Variants in PIP5K1C observed in about 807,000 individuals in gnomAD.
The protein encoded by PIP5K1C is phosphatidylinositol-4-phosphate 5-kinase type 1 gamma.
A neutral mutation model predicts 80.1 loss-of-function variants in PIP5K1C; 45 were observed. The observed-to-expected ratio is 0.56, with a 90% CI of 0.44 to 0.72. PIP5K1C has a LOEUF of 0.72. PIP5K1C is among the 30% of genes least tolerant of loss of function. The probability of loss-of-function intolerance (pLI) is 0.00; values close to 1 mark genes in which losing one functional copy is unlikely to be tolerated. For missense variants in PIP5K1C, 753 were observed against 954.6 expected (o/e 0.79, Z 2.78); for synonymous variants, 498 against 420.1 (o/e 1.19, Z -2.27).
intron 1 of PIP5K1C, chr19:3,670,019 G>T (rs1443048077): frequency 6.6e-6 from 1 of 150,468 alleles, no homozygotes; most frequent in Non-Finnish European, 1.5e-5. Flanking sequence ...CAGGCAGCAG[G>T]TATGGAGGGG....
rs958151385 is a variant in PIP5K1C at position 3,688,210 on chromosome 19, C to G, written c.94+12087G>C. ...TCTCCAGCACAGCAGAGGTGGACGC[C>G]CCTCGCGGCTGGCTCCCCAGCGTCC... On this transcript the variant is annotated intron_variant, in intron 1 of 17. Coordinates refer to ENST00000335312, the MANE Select transcript of PIP5K1C (RefSeq NM_012398.3). The surrounding 1 kb of genome is among the most constrained non-coding windows in gnomAD (Gnocchi z 5.3). Among the ~76,000 whole-genome samples the G allele has an allele frequency of 1.3e-5, 2 of 152,222 alleles. No homozygotes were observed. Among genetic ancestry groups the G allele is most frequent in the Non-Finnish European group, 2.9e-5 (2 of 68,020 alleles).
In PIP5K1C at chr19:3,640,078, G is replaced by T. The variant is rs1445626429; in HGVS notation, c.1788-1062C>A. 3.9e-5 allele frequency among the ~76,000 whole-genome samples: 6 copies of T among 152,330 alleles called. No individual in the cohort carries two copies. The East Asian group carries it at 9.6e-4, about 24-fold the overall frequency. ...TAAACCCCCAGGGCTTTAGTTTTGG[G>T]TCTACGCTGCTGTGAGCGCTAAAAA... On this transcript the variant is annotated intron_variant, in intron 15 of 17. Transcript: ENST00000335312.
At chr19:3,667,263 T>C (rs1245733174) in intron 2 of PIP5K1C, 59 bp downstream of exon 2, 10 of 1,479,030 alleles carry the variant, frequency 6.8e-6, no homozygotes, top group Non-Finnish European at 9.4e-6. Flanking sequence ...TCTCCGCGAG[T>C]AGGGAGGCAG....
chr19:3,653,644 G>C, intron 6 of PIP5K1C, 55 bp from the exon 7 acceptor site: 1 of 1,526,896 alleles, frequency 6.5e-7, no homozygotes, highest in East Asian at 2.3e-5. Context: ...GACTCACGGG[G>C]GCGGGCAAAG....
chr19:3,691,620 C>G (rs1191008695), intron 1 of PIP5K1C, among the ~76,000 whole-genome samples: 1 of 152,206 alleles, frequency 6.6e-6, no homozygotes, highest in Non-Finnish European at 1.5e-5. Context: ...CCCTTCCAAC[C>G]AAAGCCTCGG....
At chr19:3,644,012 CGGCACCCCACCCACGGGGCTGCTGCT>C (rs1378709416) in intron 12 of PIP5K1C, 49 bp downstream of exon 12, 3 of 1,531,478 alleles carry the variant, frequency 2.0e-6, no homozygotes, top group Non-Finnish European at 2.7e-6. Flanking sequence ...CAGGATGAGG[CGGCACCCCACCCACGGGGCTGCTGCT>C]GGCACCCCCT....
intron 5 of PIP5K1C, among the ~76,000 whole-genome samples, chr19:3,656,819 C>T (rs1009952650): frequency 3.9e-5 from 6 of 152,210 alleles, no homozygotes; most frequent in African/African-American, 7.2e-5. Context: ...TCCTTAGGAG[C>T]GGACACCTGA....
chr19:3,691,822 A>G (rs1416673025), intron 1 of PIP5K1C, among the ~76,000 whole-genome samples: 1 of 152,116 alleles, frequency 6.6e-6, no homozygotes, highest in African/African-American at 2.4e-5. Context: ...CGGGGAGCAA[A>G]ACCACCAAAG....
intron 5 of PIP5K1C, 25 bp from the exon 6 acceptor site, chr19:3,656,582 C>A (rs758732762): frequency 6.2e-7 from 1 of 1,612,346 alleles, no homozygotes; most frequent in Non-Finnish European, 8.5e-7. Context: ...GGCGGGTCAG[C>A]GGGCCCCAAG....
Position 3,696,529 on chromosome 19 carries a change from C to A in PIP5K1C, c.94+3768G>T, listed in dbSNP as rs190944976. Among the ~76,000 whole-genome samples the A allele has an allele frequency of 7.4e-6, 1 of 134,444 alleles. No homozygotes were observed. The highest frequency in any genetic ancestry group is 2.3e-4 in the East Asian group (1 of 4,332). 88.2% of individuals were successfully genotyped at this position (134,444 alleles called of 152,430 possible). A position where few individuals can be genotyped will look rare whatever the true frequency, so the allele number is the denominator to read the frequency against. On this transcript the variant is annotated intron_variant, in intron 1 of 17. Transcript: ENST00000335312. The surrounding 1 kb of genome is among the most constrained non-coding windows in gnomAD (Gnocchi z 4.1). ...GTGACAGCAGGGCAGGGAGGCCTCA[C>A]GGAGAGGAGATGCTCCCACAAAACC...
At chr19:3,664,052 G>A (rs1235641743) in intron 3 of PIP5K1C, among the ~76,000 whole-genome samples, 1 of 152,188 alleles carries the variant, frequency 6.6e-6, no homozygotes, top group Non-Finnish European at 1.5e-5. Context: ...CAGGAGCAAG[G>A]CTCTGACACG....
At chr19:3,693,837 G>A (rs1362370408) in intron 1 of PIP5K1C, among the ~76,000 whole-genome samples, 1 of 152,148 alleles carries the variant, frequency 6.6e-6, no homozygotes, top group Non-Finnish European at 1.5e-5. Context: ...GTGGAGGCAG[G>A]AGGGCTGCTT....
chr19:3,690,705 C>T (rs1000221521), intron 1 of PIP5K1C, among the ~76,000 whole-genome samples: 1 of 152,154 alleles, frequency 6.6e-6, no homozygotes, highest in African/African-American at 2.4e-5. Flanking sequence ...GAAGTACCTG[C>T]ACTTGTGTCA....
intron 3 of PIP5K1C, among the ~76,000 whole-genome samples, chr19:3,663,117 C>T (rs771089280): frequency 2.0e-5 from 3 of 152,180 alleles, no homozygotes; most frequent in African/African-American, 4.8e-5. Context: ...CCTCCCGCCT[C>T]GGCCTCCCAA....
intron 1 of PIP5K1C, among the ~76,000 whole-genome samples, chr19:3,690,750 G>A (rs920575056): frequency 6.6e-6 from 1 of 152,148 alleles, no homozygotes; most frequent in South Asian, 2.1e-4. Context: ...CAAATAAAGA[G>A]CTCCTACGAA....
In PIP5K1C at chr19:3,690,387, T is replaced by C. The variant is rs139323553; in HGVS notation, c.94+9910A>G. Among the ~76,000 whole-genome samples, 650 of 151,742 alleles carry C rather than the reference T, an allele frequency of 4.3e-3. 3 individuals carry two copies. The highest frequency in any genetic ancestry group is 0.014 in the African/African-American group (591 of 41,340). On this transcript the variant is annotated intron_variant, in intron 1 of 17. Coordinates refer to ENST00000335312, the MANE Select transcript of PIP5K1C (RefSeq NM_012398.3). ...GGCGCACACCTGCAGTCCCAGCTAGTTGGGAGGCTGGTTTGAACCCAGGAG... is the reference window on the plus strand; with the variant it reads ...GGCGCACACCTGCAGTCCCAGCTAGCTGGGAGGCTGGTTTGAACCCAGGAG...
intron 1 of PIP5K1C, among the ~76,000 whole-genome samples, chr19:3,672,179 A>G (rs771862438): frequency 2.0e-5 from 3 of 152,172 alleles, no homozygotes; most frequent in Admixed American, 6.5e-5. Flanking sequence ...GTCTCTCTCT[A>G]TAAAGTGCGG....
chr19:3,667,717 TC>T (rs888169630), intron 1 of PIP5K1C, among the ~76,000 whole-genome samples: 1 of 151,804 alleles, frequency 6.6e-6, no homozygotes, highest in Non-Finnish European at 1.5e-5. Context: ...GGAGCAAACC[TC>T]CCCCGGCTCT....
chr19:3,654,682 C>T (rs754841660), intron 6 of PIP5K1C, among the ~76,000 whole-genome samples: 3 of 151,892 alleles, frequency 2.0e-5, no homozygotes, highest in East Asian at 1.9e-4. Context: ...GGAGTGGTGG[C>T]GCATGCCTGT....
Sources: allele counts gnomAD v4.1 joint callset (sites outside exome capture counted in the v4.1 genomes callset), GRCh38; gene constraint gnomAD v4.1.1; non-coding constraint Gnocchi (gnomAD v3.1); transcripts MANE v1.5; gene names NCBI Gene and HGNC (gene_info 2026-07-23, HGNC 2026-07-21).